The following ZNF462 variants were observed in gnomAD, a reference collection of about 807,000 sequenced individuals.
ZNF462 encodes zinc finger protein 462.
ZNF462 carries 10 observed loss-of-function variants against 201.9 expected under a neutral mutation model. The observed-to-expected ratio is 0.05, with a 90% CI of 0.03 to 0.08. ZNF462 has a LOEUF of 0.08. Ranked by LOEUF, ZNF462 falls within the 10% of genes least tolerant of loss-of-function variation. The probability of loss-of-function intolerance (pLI) is 1.00; values close to 1 mark genes in which losing one functional copy is unlikely to be tolerated. For missense variants in ZNF462, 2,523 were observed against 3,168.3 expected, an observed-to-expected ratio of 0.80 and a Z score of 4.89; for synonymous variants, 1,227 against 1,193.3, an observed-to-expected ratio of 1.03 and a Z score of -0.58.
Position 106,928,529 on chromosome 9 carries a change from G to T in ZNF462, c.4617G>T (p.Pro1539=), listed in dbSNP as rs373931596. Residue 1539 remains proline, a synonymous_variant, in exon 3 of 13, where the codon CCG becomes CCT. Coordinates refer to ENST00000277225, the MANE Select transcript of ZNF462 (RefSeq NM_021224.6). This position sits in a 1 kb window ranked among gnomAD's most constrained non-coding sequence, Gnocchi z 9.3. ...GVLTHYQKRH[P]SIKVTAEDFV... ...TGACCCACTACCAGAAGCGACACCC[G>T]TCCATCAAGGTGACCGCTGAGGACT... The T allele has an allele frequency of 2.5e-6, 4 of 1,613,766 alleles. No homozygotes were observed. The highest frequency in any genetic ancestry group is 3.4e-6 in the Non-Finnish European group (4 of 1,179,966).
rs1449084590 is a variant in ZNF462 at position 106,925,656 on chromosome 9, C to G, written c.1744C>G (p.Pro582Ala). ...GGTGCCACCCCAGCCACAAACACAG[C>G]CACCACCAACGCAGCAGCCACAGCC... ...HQVPPQPQTQ[P>A]PPTQQPQPPT... The change falls in exon 3 of 13, where the codon CCA becomes GCA. Residue 582 changes from proline to alanine, a missense_variant. Around this residue, in one of 15 missense-constraint regions of ZNF462, gnomAD observed 383 missense variants for 453.4 expected, o/e 0.84. Transcript: ENST00000277225. This position sits in a 1 kb window ranked among gnomAD's most constrained non-coding sequence, Gnocchi z 7.9. The G allele has an allele frequency of 1.2e-6, 2 of 1,613,934 alleles. No homozygotes were observed. The highest frequency in any genetic ancestry group is 2.2e-5 in the East Asian group (1 of 44,886).
chr9:106,955,104 C>T (rs1223403801), intron 7 of ZNF462, among the ~76,000 whole-genome samples: 3 of 152,136 alleles, frequency 2.0e-5, no homozygotes, highest in Non-Finnish European at 4.4e-5. Context: ...TGAGCACTCA[C>T]TCATCTTAGT....
chr9:106,926,882 T>A lies in ZNF462; in HGVS notation c.2970T>A (p.Thr990=). Reference sequence around the variant, plus strand: ...ATTCGGCTCCCAAGAACATGGCGACTTCCACACCTGTGGCTCGTGGTGGTG... The same window carrying A: ...ATTCGGCTCCCAAGAACATGGCGACATCCACACCTGTGGCTCGTGGTGGTG... The part of the protein sequence containing the change: ...ILNSAPKNMA[T]STPVARGGGL... The change falls in exon 3 of 13, where the codon ACT becomes ACA. Residue 990 remains threonine (T), a synonymous_variant. Transcript: ENST00000277225. This position sits in a 1 kb window ranked among gnomAD's most constrained non-coding sequence, Gnocchi z 7.9. 6.2e-7 allele frequency: 1 copy of A among 1,614,180 alleles called. No individual in the cohort carries two copies. The highest frequency in any genetic ancestry group is 8.5e-7 in the Non-Finnish European group (1 of 1,180,036).
In ZNF462 at chr9:106,928,778, G is replaced by C; in HGVS notation, c.4866G>C (p.Glu1622Asp). Residue 1622 changes from glutamate to aspartate, a missense_variant, in exon 3 of 13, where the codon GAG (glutamate) becomes GAC (aspartate). Physicochemically the swap from Glu to Asp is conservative, Grantham distance 45 (BLOSUM62 2). This residue lies in a region of ZNF462 where 200 missense variants were observed against 281.3 expected (regional missense o/e 0.71). Coordinates refer to ENST00000277225, the MANE Select transcript of ZNF462 (RefSeq NM_021224.6). This position sits in a 1 kb window ranked among gnomAD's most constrained non-coding sequence, Gnocchi z 9.3. ...AGCTGCCAGTCCCCCTCGAGCCCGAGATGACCACTGAAGTGAGCCCTTCCC... is the reference window on the plus strand; with the variant it reads ...AGCTGCCAGTCCCCCTCGAGCCCGACATGACCACTGAAGTGAGCCCTTCCC... The part of the protein sequence containing the change: ...PPKLPVPLEP[E>D]MTTEVSPSQV... 6.2e-7 allele frequency: 1 copy of C among 1,614,134 alleles called. No homozygotes were observed. The highest frequency in any genetic ancestry group is 8.5e-7 in the Non-Finnish European group (1 of 1,180,020).
At chr9:106,969,634 A>G (rs1298238893) in intron 7 of ZNF462, among the ~76,000 whole-genome samples, 1 of 152,150 alleles carries the variant, frequency 6.6e-6, no homozygotes, top group Non-Finnish European at 1.5e-5. Context: ...GGTACCTGGT[A>G]TCTGAGATGA....
intron 10 of ZNF462, among the ~76,000 whole-genome samples, chr9:106,995,188 G>A (rs890674444): frequency 2.6e-5 from 4 of 152,068 alleles, no homozygotes; most frequent in Non-Finnish European, 5.9e-5. Context: ...GTTATGCTGA[G>A]TGTCTCCAAA....
At chr9:106,946,113 A>G (rs1269937338) in intron 7 of ZNF462, among the ~76,000 whole-genome samples, 1 of 152,228 alleles carries the variant, frequency 6.6e-6, no homozygotes, top group Admixed American at 6.5e-5. Flanking sequence ...AACATTGTTC[A>G]TCAGAAATGT....
chr9:106,939,414 G>A (rs1830771033), intron 7 of ZNF462, among the ~76,000 whole-genome samples: 1 of 152,152 alleles, frequency 6.6e-6, no homozygotes, highest in Admixed American at 6.5e-5. Flanking sequence ...AAGCAAGAAA[G>A]CGAATACAGT....
In ZNF462 at chr9:106,886,801, G is replaced by T. The variant is rs968031206; in HGVS notation, c.-31+23446G>T. Among the ~76,000 whole-genome samples, 7 of 152,070 alleles carry T rather than the reference G, an allele frequency of 4.6e-5. No individual in the cohort carries two copies. The highest frequency in any genetic ancestry group is 1.7e-4 in the African/African-American group (7 of 41,402). On this transcript the variant is annotated intron_variant, in intron 1 of 12. Transcript: ENST00000277225. This position sits in a 1 kb window ranked among gnomAD's most constrained non-coding sequence, Gnocchi z 4.6. ...TGTTGGCAGATAGCTTCTATTTCTC[G>T]TGCCAATTTTGATTGATTGGTGGAG...
intron 1 of ZNF462, among the ~76,000 whole-genome samples, chr9:106,879,649 T>A (rs1185741822): frequency 6.6e-6 from 1 of 152,104 alleles, no homozygotes; most frequent in African/African-American, 2.4e-5. Context: ...AAGCCTGCAA[T>A]CATCTCGGAA....
Position 106,984,090 on chromosome 9 carries a change from C to A in ZNF462, c.6833-96C>A. The stretch of plus-strand genomic sequence containing the variant: ...AAGGAACCAGATCCACGAGGAGCAG[C>A]AAGATTGGGTGAGTTTCTTCTTGTA... On this transcript the variant is annotated intron_variant, in intron 9 of 12. Transcript: ENST00000277225. The surrounding 1 kb of genome is among the most constrained non-coding windows in gnomAD (Gnocchi z 6.4). 1.7e-6 allele frequency: 2 copies of A among 1,166,582 alleles called. No individual in the cohort carries two copies. Among genetic ancestry groups the A allele is most frequent in the Non-Finnish European group, 2.5e-6 (2 of 815,012 alleles). 72.3% of individuals were successfully genotyped at this position (1,166,582 alleles called of 1,614,324 possible). A position where few individuals can be genotyped will look rare whatever the true frequency, so the allele number is the denominator to read the frequency against.
chr9:106,910,117 A>G (rs1452351927), intron 1 of ZNF462, among the ~76,000 whole-genome samples: 2 of 152,064 alleles, frequency 1.3e-5, no homozygotes, highest in East Asian at 3.8e-4. Context: ...TTTGCCTCTT[A>G]TAACTTTAAT....
chr9:106,994,282 A>G (rs374030629), intron 10 of ZNF462, among the ~76,000 whole-genome samples: 3 of 152,286 alleles, frequency 2.0e-5, no homozygotes, highest in South Asian at 2.1e-4. Flanking sequence ...ACAGCAAAAC[A>G]TTAAGCTCAG....
In ZNF462 at chr9:106,984,039, G is replaced by A; in HGVS notation, c.6833-147G>A. 1 of 666,436 alleles carries A rather than the reference G, an allele frequency of 1.5e-6. No homozygotes were observed. Among genetic ancestry groups the A allele is most frequent in the Non-Finnish European group, 2.5e-6 (1 of 393,004 alleles). The allele number at this position is 666,436 out of a possible 1,614,324, so 41.3% of individuals were successfully genotyped here. On this transcript the variant is annotated intron_variant, in intron 9 of 12. Coordinates refer to ENST00000277225, the MANE Select transcript of ZNF462 (RefSeq NM_021224.6). The surrounding 1 kb of genome is among the most constrained non-coding windows in gnomAD (Gnocchi z 6.4). The stretch of plus-strand genomic sequence containing the variant: ...AATATGTTGTTTGGGGGTTAGGGGA[G>A]GGGCAGGGTGCATGTGTGTCAGTTC...
intron 1 of ZNF462, among the ~76,000 whole-genome samples, chr9:106,900,893 A>G (rs1364001243): frequency 6.6e-6 from 1 of 152,082 alleles, no homozygotes; most frequent in East Asian, 1.9e-4. Context: ...TACTTTAATT[A>G]GGTCCCAGCG....
intron 1 of ZNF462, among the ~76,000 whole-genome samples, chr9:106,916,591 CTG>C (rs1395194350): frequency 2.0e-5 from 3 of 152,128 alleles, no homozygotes; most frequent in African/African-American, 7.2e-5. Context: ...AATCAGTTAT[CTG>C]TTGTTCTAAG....
rs1366860915 is a variant in ZNF462, at chr9:106,938,024, T to C, written c.6236-892T>C. 6.6e-6 allele frequency among the ~76,000 whole-genome samples: 1 copy of C among 152,200 alleles called. No individual in the cohort carries two copies. Among genetic ancestry groups the C allele is most frequent in the Admixed American group, 6.5e-5 (1 of 15,276 alleles). ...TCTGAATTGATCTTACCAGTGTATATATGTCCAACAATTTAAGCCTGCCCA... is the reference window on the plus strand; with the variant it reads ...TCTGAATTGATCTTACCAGTGTATACATGTCCAACAATTTAAGCCTGCCCA... On this transcript the variant is annotated intron_variant, in intron 6 of 12. Coordinates refer to ENST00000277225, the MANE Select transcript of ZNF462 (RefSeq NM_021224.6). The surrounding 1 kb of genome is among the most constrained non-coding windows in gnomAD (Gnocchi z 4.4).
chr9:106,980,049 A>G (rs1827305224), intron 9 of ZNF462, among the ~76,000 whole-genome samples: 1 of 152,150 alleles, frequency 6.6e-6, no homozygotes, highest in African/African-American at 2.4e-5. Flanking sequence ...GAGATTGCCA[A>G]TCTTTAATTT....
intron 7 of ZNF462, 69 bp downstream of exon 7, chr9:106,939,176 ATTTTT>A: frequency 7.2e-7 from 1 of 1,382,582 alleles, no homozygotes; most frequent in Non-Finnish European, 9.6e-7. Flanking sequence ...ATTGCCAATC[ATTTTT>A]TTTAGAGGAA....
Sources: gnomAD v4.1 joint callset for allele counts (sites outside exome capture counted in the v4.1 genomes callset) on GRCh38, gnomAD v4.1.1 for gene constraint, gnomAD v4.1.1 regional missense constraint, Gnocchi (gnomAD v3.1) non-coding constraint, MANE v1.5 for transcripts, NCBI Gene and HGNC (gene_info 2026-07-23, HGNC 2026-07-21) for gene names.